The following LRRC8D variants were observed in gnomAD, a reference collection of about 807,000 sequenced individuals.
LRRC8D encodes the protein volume-regulated anion channel subunit LRRC8D.
A neutral mutation model predicts 55.8 loss-of-function variants in LRRC8D; 20 were observed. That is an observed-to-expected ratio of 0.36 (90% CI 0.25 to 0.52). The LOEUF (loss-of-function observed/expected upper bound fraction) is 0.52, where lower values mean the gene tolerates loss of function less well. Among genes scored for constraint, LRRC8D ranks in the 20% least tolerant of loss-of-function variants. The pLI is 0.93. For synonymous variants in LRRC8D, 352 were observed against 377.0 expected (o/e 0.93, Z 0.77); for missense variants, 651 against 1,030.8 (o/e 0.63, Z 5.05).
At chr1:89,921,683 T>A (rs1041466178) in intron 2 of LRRC8D, among the ~76,000 whole-genome samples, 9 of 152,152 alleles carry the variant, frequency 5.9e-5, no homozygotes, top group Admixed American at 3.9e-4. Context: ...CAGCTGGGAT[T>A]CCAGGCATCT....
At chr1:89,903,488 C>T (rs1379497282) in intron 2 of LRRC8D, among the ~76,000 whole-genome samples, 2 of 152,138 alleles carry the variant, frequency 1.3e-5, no homozygotes, top group African/African-American at 4.8e-5. Flanking sequence ...TACACAGTAT[C>T]ACATTGCCAC....
intron 2 of LRRC8D, among the ~76,000 whole-genome samples, chr1:89,910,119 C>A (rs970610430): frequency 5.3e-5 from 8 of 152,092 alleles, no homozygotes; most frequent in African/African-American, 1.9e-4. Flanking sequence ...ATCTTCACAG[C>A]CTAAATTTAG....
intron 1 of LRRC8D, among the ~76,000 whole-genome samples, chr1:89,833,330 C>A (rs569392993): frequency 6.6e-6 from 1 of 152,202 alleles, no homozygotes; most frequent in African/African-American, 2.4e-5. Flanking sequence ...CGTACTAAAA[C>A]GCTGGACTGA....
intron 2 of LRRC8D, among the ~76,000 whole-genome samples, chr1:89,903,607 G>A (rs1388006518): frequency 6.6e-6 from 1 of 152,124 alleles, no homozygotes; most frequent in Non-Finnish European, 1.5e-5. Context: ...AAGCAAACAT[G>A]GTTACACATA....
chr1:89,841,410 T>A (rs1229985433), intron 1 of LRRC8D, among the ~76,000 whole-genome samples: 1 of 147,366 alleles, frequency 6.8e-6, no homozygotes, highest in Non-Finnish European at 1.5e-5. Context: ...CCCCCCTTTT[T>A]TTTGTGAGTG....
chr1:89,852,037 A>G (rs1364149080), intron 2 of LRRC8D, among the ~76,000 whole-genome samples: 1 of 151,732 alleles, frequency 6.6e-6, no homozygotes, highest in African/African-American at 2.4e-5. Context: ...CAGGTGCTTT[A>G]TGGACACAGG....
At chr1:89,858,761 T>G (rs1461455086) in intron 2 of LRRC8D, among the ~76,000 whole-genome samples, 1 of 152,154 alleles carries the variant, frequency 6.6e-6, no homozygotes, top group African/African-American at 2.4e-5. Context: ...GAAGGAAGTT[T>G]ATAAAAGCAG....
At chr1:89,852,961 T>C (rs9645339) in intron 2 of LRRC8D, among the ~76,000 whole-genome samples, 28,093 of 152,186 alleles carry the variant, frequency 0.18, 3,181 homozygotes, top group Non-Finnish European at 0.26. Flanking sequence ...GTGAACTTTA[T>C]CCTGACAGCA....
intron 2 of LRRC8D, among the ~76,000 whole-genome samples, chr1:89,884,364 T>TA (rs1341092604): frequency 1.8e-4 from 28 of 152,340 alleles, no homozygotes; most frequent in African/African-American, 6.5e-4. Flanking sequence ...ATAAAAATAA[T>TA]ACCTAACATC....
chr1:89,848,806 TCTC>T (rs1234781835), intron 2 of LRRC8D, among the ~76,000 whole-genome samples: 1 of 151,996 alleles, frequency 6.6e-6, no homozygotes, highest in African/African-American at 2.4e-5. Flanking sequence ...TTCATGCCAT[TCTC>T]CTGCCTCAGC....
intron 2 of LRRC8D, among the ~76,000 whole-genome samples, chr1:89,906,353 C>T (rs1662993539): frequency 2.0e-5 from 3 of 152,202 alleles, no homozygotes; most frequent in Admixed American, 1.3e-4. Context: ...GCTCGAGCAT[C>T]GCTGTAGAGC....
intron 2 of LRRC8D, among the ~76,000 whole-genome samples, chr1:89,917,633 C>T (rs1047205493): frequency 1.3e-5 from 2 of 152,134 alleles, no homozygotes; most frequent in African/African-American, 4.8e-5. Flanking sequence ...ACGATTTCCT[C>T]AGAAAATTCC....
At chr1:89,845,196 A>G (rs1661244006) in intron 2 of LRRC8D, among the ~76,000 whole-genome samples, 1 of 152,150 alleles carries the variant, frequency 6.6e-6, no homozygotes, top group African/African-American at 2.4e-5. Context: ...TTTACTACAT[A>G]ATTAAGTTTG....
chr1:89,913,929 G>C (rs1663192124), intron 2 of LRRC8D, among the ~76,000 whole-genome samples: 1 of 152,170 alleles, frequency 6.6e-6, no homozygotes, highest in Non-Finnish European at 1.5e-5. Context: ...AGCTTCAGCT[G>C]TTTCCTGCTT....
chr1:89,821,689 G>A (rs1391318376), intron 1 of LRRC8D, among the ~76,000 whole-genome samples: 2 of 152,112 alleles, frequency 1.3e-5, no homozygotes, highest in Non-Finnish European at 2.9e-5. Context: ...CCCGGAGGTG[G>A]GTGTTTGGTG....
chr1:89,869,927 G>A (rs1379837753), intron 2 of LRRC8D, among the ~76,000 whole-genome samples: 1 of 151,830 alleles, frequency 6.6e-6, no homozygotes, highest in Non-Finnish European at 1.5e-5. Context: ...GACCAGTGTG[G>A]TGAAACCCTG....
intron 2 of LRRC8D, among the ~76,000 whole-genome samples, chr1:89,921,683 T>C (rs1041466178): frequency 6.6e-6 from 1 of 152,270 alleles, no homozygotes; most frequent in Admixed American, 6.5e-5. Context: ...CAGCTGGGAT[T>C]CCAGGCATCT....
chr1:89,873,509 G>C (rs1433249195), intron 2 of LRRC8D, among the ~76,000 whole-genome samples: 2 of 152,108 alleles, frequency 1.3e-5, no homozygotes, highest in Non-Finnish European at 2.9e-5. Flanking sequence ...CCTCTTCTTT[G>C]TATACAGCTC....
At chr1:89,891,541 A>C (rs1458872553) in intron 2 of LRRC8D, among the ~76,000 whole-genome samples, 1 of 152,196 alleles carries the variant, frequency 6.6e-6, no homozygotes, top group African/African-American at 2.4e-5. Flanking sequence ...AGTGTTTATC[A>C]GTGTCTTGTG....
Sources: gnomAD v4.1 joint callset for allele counts (sites outside exome capture counted in the v4.1 genomes callset) on GRCh38, gnomAD v4.1.1 for gene constraint, MANE v1.5 for transcripts, NCBI Gene and HGNC (gene_info 2026-07-23, HGNC 2026-07-21) for gene names.